The following DZIP1 variants were observed in gnomAD, a reference collection of about 807,000 sequenced individuals.
DZIP1 encodes the protein cilium assembly protein DZIP1.
Under a neutral mutation model 107.6 loss-of-function variants are expected in DZIP1, and 97 were observed. That is an observed-to-expected ratio of 0.90 (90% CI 0.77 to 1.07). DZIP1 has a LOEUF of 1.07. Among genes scored for constraint, DZIP1 ranks in the 50% least tolerant of loss-of-function variants. The pLI is 0.00. For synonymous variants in DZIP1, 390 were observed against 386.4 expected (o/e 1.01, Z -0.11); for missense variants, 1,035 against 1,063.6 (o/e 0.97, Z 0.37).
intron 5 of DZIP1, among the ~76,000 whole-genome samples, chr13:95,636,284 T>C (rs1877807735): frequency 6.6e-6 from 1 of 151,792 alleles, no homozygotes; most frequent in African/African-American, 2.4e-5. Context: ...GGCTCACGCC[T>C]GTAATCCCAG....
At position 95,604,265 on chromosome 13, in the gene DZIP1, C is replaced by T. The variant is rs1011994672; in HGVS notation, c.1477+1738G>A. 4.6e-5 allele frequency among the ~76,000 whole-genome samples: 7 copies of T among 152,204 alleles called. No individual in the cohort carries two copies. The East Asian group carries it at 1.3e-3, about 29-fold the overall frequency. On this transcript the variant is annotated intron_variant, in intron 14 of 22. Coordinates refer to ENST00000376829, the MANE Select transcript of DZIP1 (RefSeq NM_198968.4). ...CATGGTAAAGAACCTCATCAAGCTT[C>T]GAGATGGAACAAAGGACAGAGAGTG... is the stretch of plus-strand genomic sequence containing the variant.
chr13:95,588,991 AACAAAG>A (rs1297549614), intron 19 of DZIP1, among the ~76,000 whole-genome samples, 157 bp downstream of exon 19: 1 of 152,216 alleles, frequency 6.6e-6, no homozygotes, highest in African/African-American at 2.4e-5. Flanking sequence ...CTGATAAAGA[AACAAAG>A]ACATGTCACA....
At chr13:95,620,946 A>G (rs1454822399) in intron 9 of DZIP1, among the ~76,000 whole-genome samples, 1 of 152,162 alleles carries the variant, frequency 6.6e-6, no homozygotes, top group Non-Finnish European at 1.5e-5. Context: ...CCTACCATAT[A>G]CCAGGCACCT....
In DZIP1 at chr13:95,641,490, T is replaced by C; in HGVS notation, c.402A>G (p.Ser134=). The change falls in exon 5 of 23, where the codon TCA becomes TCG. Residue 134 remains serine, a synonymous_variant. Coordinates refer to ENST00000376829, the MANE Select transcript of DZIP1 (RefSeq NM_198968.4). This position sits in a 1 kb window ranked among gnomAD's most constrained non-coding sequence, Gnocchi z 4.3. ...AQFTIEYLLH[S]QEFLTSQLHT... ...GCAGCTGCGAGGTGAGGAACTCTTG[T>C]GAGTGCAGCAAGTACTCGATGGTGA... 1.9e-6 allele frequency: 3 copies of C among 1,614,094 alleles called. No individual in the cohort carries two copies. Among genetic ancestry groups the C allele is most frequent in the Admixed American group, 3.3e-5 (2 of 60,032 alleles).
At position 95,584,626 on chromosome 13, in the gene DZIP1, G is replaced by A. The variant is rs1028408821; in HGVS notation, c.2524+110C>T. On this transcript the variant is annotated intron_variant, in intron 22 of 22. Transcript: ENST00000376829. ...AAATAACATAAAGAAAGCACTGACAGCTTTTTTGTCTGATGATATACCAGC... is the reference window on the plus strand; with the variant it reads ...AAATAACATAAAGAAAGCACTGACAACTTTTTTGTCTGATGATATACCAGC... 24 of 1,472,586 alleles carry A rather than the reference G, an allele frequency of 1.6e-5. No homozygotes were observed. In the Admixed American group the frequency reaches 5.4e-4, roughly 33 times the overall value. 91.2% of individuals were successfully genotyped at this position (1,472,586 alleles called of 1,614,324 possible). A position where few individuals can be genotyped will look rare whatever the true frequency, so the allele number is the denominator to read the frequency against.
chr13:95,587,601 CT>C lies in DZIP1; in HGVS notation c.2155del (p.Ser719ValfsTer42). ...KGSFGKNTVK[S>X]DADGTEGSEI... The stretch of plus-strand genomic sequence containing the variant: ...GCTTCCCTCGGTCCCGTCCGCGTCA[CT>C]TTTCACTGTGTTCTTCCCGAAGCTG... On this transcript the variant is annotated frameshift_variant, in exon 20 of 23. Coordinates refer to ENST00000376829, the MANE Select transcript of DZIP1 (RefSeq NM_198968.4). LOFTEE classifies it high-confidence loss of function. 1.9e-6 allele frequency: 3 copies of C among 1,614,118 alleles called. No homozygotes were observed. Among genetic ancestry groups the C allele is most frequent in the Non-Finnish European group, 2.5e-6 (3 of 1,180,034 alleles).
At chr13:95,614,379 T>G (rs1437671490) in intron 10 of DZIP1, among the ~76,000 whole-genome samples, 1 of 152,076 alleles carries the variant, frequency 6.6e-6, no homozygotes, top group African/African-American at 2.4e-5. Flanking sequence ...GTCTGGGAAA[T>G]GCTGAGCTGG....
At chr13:95,630,826 T>C (rs941166232) in intron 6 of DZIP1, 20 of 1,032,310 alleles carry the variant, frequency 1.9e-5, no homozygotes, top group African/African-American at 1.8e-4. Context: ...GAAGAAATAA[T>C]ACTCGTTTCA....
chr13:95,632,998 C>T (rs548094416), intron 6 of DZIP1, among the ~76,000 whole-genome samples: 3 of 152,120 alleles, frequency 2.0e-5, no homozygotes, highest in African/African-American at 7.2e-5. Context: ...CTCCTCAACC[C>T]CCTTTAGAAT....
chr13:95,583,004 CTA>C (rs2044052368), intron 22 of DZIP1, among the ~76,000 whole-genome samples: 1 of 152,100 alleles, frequency 6.6e-6, no homozygotes, highest in African/African-American at 2.4e-5. Context: ...TATGCAACAG[CTA>C]TGTTATAACT....
chr13:95,582,192 G>A lies in DZIP1; in HGVS notation c.*42C>T. ...CAAATTACTGAAACACTGTGATACT[G>A]AAATACTGCTGGCTTCTGGAATAAT... On this transcript the variant is annotated 3_prime_UTR_variant, in exon 23 of 23. Transcript: ENST00000376829. The A allele has an allele frequency of 6.3e-7, 1 of 1,589,452 alleles. No individual in the cohort carries two copies. The highest frequency in any genetic ancestry group is 8.6e-7 in the Non-Finnish European group (1 of 1,157,792).
At chr13:95,607,077 A>T (rs2044805371) in intron 13 of DZIP1, among the ~76,000 whole-genome samples, 1 of 151,932 alleles carries the variant, frequency 6.6e-6, no homozygotes, top group South Asian at 2.1e-4. Context: ...ACACAGTTTT[A>T]CTCCCGTCGC....
rs1878486685 is a variant in DZIP1 at position 95,641,459 on chromosome 13, G to C, written c.433C>G (p.Leu145Val). The C allele has an allele frequency of 6.2e-7, 1 of 1,614,178 alleles. No individual in the cohort carries two copies. The highest frequency in any genetic ancestry group is 8.5e-7 in the Non-Finnish European group (1 of 1,180,038). ...QEFLTSQLHT[L>V]EERLRLSHCD... ...TGGCTCAGGCGCAGCCGCTCCTCCA[G>C]GGTGTGCAGCTGCGAGGTGAGGAAC... Residue 145 changes from leucine (L) to valine (V), a missense_variant, in exon 5 of 23, where the codon CTG becomes GTG. By Grantham distance (32) the Leu-to-Val change is conservative. Transcript: ENST00000376829. The surrounding 1 kb of genome is among the most constrained non-coding windows in gnomAD (Gnocchi z 4.3).
chr13:95,635,360 C>A (rs1877679319), intron 5 of DZIP1, among the ~76,000 whole-genome samples: 1 of 152,054 alleles, frequency 6.6e-6, no homozygotes. Context: ...CCACTCCCAG[C>A]TAATTTTTGT....
intron 5 of DZIP1, among the ~76,000 whole-genome samples, chr13:95,633,856 T>C (rs555900365): frequency 1.3e-5 from 2 of 151,096 alleles, no homozygotes; most frequent in Admixed American, 6.6e-5. Context: ...CCGAAGGCAG[T>C]TGGGGGGTCA....
chr13:95,591,183 C>A (rs951918005), intron 16 of DZIP1, among the ~76,000 whole-genome samples: 5 of 151,962 alleles, frequency 3.3e-5, no homozygotes, highest in African/African-American at 1.2e-4. Context: ...CACCCGCCAC[C>A]ACGCCCAGCT....
At chr13:95,630,762 A>G in intron 6 of DZIP1, 2 of 1,286,724 alleles carry the variant, frequency 1.6e-6, no homozygotes, top group Non-Finnish European at 2.0e-6. Context: ...CTGTGAGTGT[A>G]GACATGAAAG....
rs776377688 is a variant in DZIP1, at chr13:95,641,429, C to T, written c.463G>A (p.Asp155Asn). 1.9e-6 allele frequency: 3 copies of T among 1,614,044 alleles called. No individual in the cohort carries two copies. The highest frequency in any genetic ancestry group is 1.3e-5 in the African/African-American group (1 of 74,926). ...LEERLRLSHC[D>N]GEQSKKLLTK... The stretch of plus-strand genomic sequence containing the variant: ...AGCAGCTTCTTGCTCTGCTCGCCGT[C>T]GCAGTGGCTCAGGCGCAGCCGCTCC... Residue 155 changes from aspartate (D) to asparagine (N), a missense_variant, in exon 5 of 23, where the codon GAC becomes AAC. Physicochemically the swap from Asp to Asn is conservative, Grantham distance 23. Coordinates refer to ENST00000376829, the MANE Select transcript of DZIP1 (RefSeq NM_198968.4). The surrounding 1 kb of genome is among the most constrained non-coding windows in gnomAD (Gnocchi z 4.3).
chr13:95,601,061 A>T (rs7328652), intron 14 of DZIP1, among the ~76,000 whole-genome samples: 48,109 of 152,048 alleles, frequency 0.32, 7,875 homozygotes, highest in Middle Eastern at 0.36. Context: ...AACTTTCATG[A>T]AATAATCTCA....
Sources: allele counts gnomAD v4.1 joint callset (sites outside exome capture counted in the v4.1 genomes callset), GRCh38; gene constraint gnomAD v4.1.1; non-coding constraint Gnocchi (gnomAD v3.1); transcripts MANE v1.5; gene names NCBI Gene and HGNC (gene_info 2026-07-23, HGNC 2026-07-21).